The following NECAB1 variants were observed in gnomAD, a reference collection of about 807,000 sequenced individuals.
The protein encoded by NECAB1 is N-terminal EF-hand calcium-binding protein 1.
NECAB1 carries 29 observed loss-of-function variants against 57.5 expected under a neutral mutation model. The observed-to-expected ratio is 0.50, with a 90% CI of 0.38 to 0.69. The LOEUF (loss-of-function observed/expected upper bound fraction) is 0.69. Among genes scored for constraint, NECAB1 ranks in the 30% least tolerant of loss-of-function variants. NECAB1 has a pLI of 0.00. For missense variants in NECAB1, 372 were observed against 413.8 expected, an observed-to-expected ratio of 0.90 and a Z score of 0.88; for synonymous variants, 142 against 147.7, an observed-to-expected ratio of 0.96 and a Z score of 0.28.
intron 9 of NECAB1, among the ~76,000 whole-genome samples, chr8:90,939,142 T>A (rs1353415301): frequency 6.6e-6 from 1 of 152,228 alleles, no homozygotes; most frequent in Admixed American, 6.5e-5. Flanking sequence ...CAGAGTTGAC[T>A]AGCTGCAAAA....
chr8:90,849,140 A>G (rs1036200378), intron 3 of NECAB1, among the ~76,000 whole-genome samples: 1 of 152,136 alleles, frequency 6.6e-6, no homozygotes, highest in African/African-American at 2.4e-5. Flanking sequence ...TCAGACAGGA[A>G]ATTTAGTGCA....
At chr8:90,876,922 A>G (rs891578132) in intron 4 of NECAB1, among the ~76,000 whole-genome samples, 1 of 152,188 alleles carries the variant, frequency 6.6e-6, no homozygotes, top group Non-Finnish European at 1.5e-5. Flanking sequence ...GTTTCAACAA[A>G]ATAGGTCTTT....
At chr8:90,951,905 G>C (rs909921012) in intron 12 of NECAB1, among the ~76,000 whole-genome samples, 4 of 152,138 alleles carry the variant, frequency 2.6e-5, no homozygotes, top group African/African-American at 9.7e-5. Context: ...ATGAGATGTG[G>C]AAAAGTAAAG....
At chr8:90,940,617 T>G in intron 9 of NECAB1, 169 bp from the exon 10 acceptor site, 1 of 560,682 alleles carries the variant, frequency 1.8e-6, no homozygotes, top group Non-Finnish European at 3.2e-6. Context: ...CTTGCCTAGA[T>G]TACAGCCTTT....
intron 2 of NECAB1, among the ~76,000 whole-genome samples, chr8:90,820,029 T>C (rs543790913): frequency 6.6e-6 from 1 of 152,018 alleles, no homozygotes; most frequent in Non-Finnish European, 1.5e-5. Flanking sequence ...AGTTTCTCCC[T>C]CTCATGCTCA....
At chr8:90,875,694 G>T (rs1307563045) in intron 4 of NECAB1, among the ~76,000 whole-genome samples, 1 of 150,766 alleles carries the variant, frequency 6.6e-6, no homozygotes, top group Non-Finnish European at 1.5e-5. Context: ...GTTATATGAA[G>T]TCTATAAATA....
chr8:90,796,776 T>G (rs947399171), intron 1 of NECAB1, among the ~76,000 whole-genome samples: 3 of 152,212 alleles, frequency 2.0e-5, no homozygotes, highest in African/African-American at 4.8e-5. Flanking sequence ...GAGTACATTT[T>G]TTATTAGTCT....
At chr8:90,809,148 C>A (rs571075935) in intron 2 of NECAB1, among the ~76,000 whole-genome samples, 1 of 152,200 alleles carries the variant, frequency 6.6e-6, no homozygotes, top group Non-Finnish European at 1.5e-5. Context: ...TTGAAATTCT[C>A]GTGTGTCTTG....
At chr8:90,840,201 A>G (rs1188766020) in intron 3 of NECAB1, among the ~76,000 whole-genome samples, 1 of 152,230 alleles carries the variant, frequency 6.6e-6, no homozygotes, top group African/African-American at 2.4e-5. Context: ...TTGACTTCAG[A>G]ATTCAAATTT....
chr8:90,882,423 G>C (rs1165602124), intron 5 of NECAB1, among the ~76,000 whole-genome samples: 1 of 146,880 alleles, frequency 6.8e-6, no homozygotes, highest in Non-Finnish European at 1.5e-5. Context: ...AAGAGAGAGA[G>C]AGAAAAAAAA....
chr8:90,919,271 CT>C (rs1417409360), intron 6 of NECAB1, among the ~76,000 whole-genome samples: 2 of 152,082 alleles, frequency 1.3e-5, no homozygotes, highest in African/African-American at 4.8e-5. Flanking sequence ...AGATGTGTTA[CT>C]TTAAACTTAT....
At chr8:90,800,266 T>C (rs1451708197) in intron 1 of NECAB1, among the ~76,000 whole-genome samples, 82 of 152,290 alleles carry the variant, frequency 5.4e-4, no homozygotes, top group Non-Finnish European at 1.0e-4. Flanking sequence ...ACCATTTGGC[T>C]TCTTATTTTG....
chr8:90,947,303 TACACACACACACACACAC>T lies in NECAB1; in HGVS notation c.861-2472_861-2455del, dbSNP rs71771328. Among the ~76,000 whole-genome samples the T allele has an allele frequency of 1.8e-4, 14 of 78,298 alleles. No individual in the cohort carries two copies. The South Asian group carries it at 1.8e-3, about 10-fold the overall frequency. 51.4% of individuals were successfully genotyped at this position (78,298 alleles called of 152,430 possible). A position where few individuals can be genotyped will look rare whatever the true frequency, so the allele number is the denominator to read the frequency against. ...TTTTAGCTATTGGGCTAACAACACA[TACACACACACACACACAC>T]ACACACACACACACACACACACACA... On this transcript the variant is annotated intron_variant, in intron 10 of 12. Transcript: ENST00000417640.
chr8:90,899,774 T>C (rs1367654780), intron 5 of NECAB1, among the ~76,000 whole-genome samples: 1 of 152,202 alleles, frequency 6.6e-6, no homozygotes, highest in African/African-American at 2.4e-5. Context: ...TTCTTTGTCA[T>C]AAGAAACTCA....
At chr8:90,942,818 G>T (rs1420594683) in intron 10 of NECAB1, among the ~76,000 whole-genome samples, 4 of 152,166 alleles carry the variant, frequency 2.6e-5, no homozygotes, top group Non-Finnish European at 4.4e-5. Flanking sequence ...GGAGGCGGAG[G>T]TTGCAGTGAG....
chr8:90,827,715 A>G (rs1812247159), intron 3 of NECAB1, among the ~76,000 whole-genome samples: 1 of 152,006 alleles, frequency 6.6e-6, no homozygotes, highest in African/African-American at 2.4e-5. Flanking sequence ...TCTCATGAAA[A>G]TACTCTTAAA....
chr8:90,925,416 C>T, intron 6 of NECAB1, 119 bp from the exon 7 acceptor site: 1 of 1,120,656 alleles, frequency 8.9e-7, no homozygotes, highest in South Asian at 1.6e-5. Flanking sequence ...CAGTCATTCT[C>T]ATAAGTTTTC....
chr8:90,896,931 T>C (rs1324991848), intron 5 of NECAB1, among the ~76,000 whole-genome samples: 1 of 152,196 alleles, frequency 6.6e-6, no homozygotes. Flanking sequence ...CTGTGAGGTC[T>C]AACCCTAGCC....
chr8:90,932,127 A>C (rs1810425564), intron 8 of NECAB1, among the ~76,000 whole-genome samples: 1 of 152,182 alleles, frequency 6.6e-6, no homozygotes, highest in East Asian at 1.9e-4. Context: ...AGATCAGGAA[A>C]GGTAGAACTG....
Sources: allele counts gnomAD v4.1 joint callset (sites outside exome capture counted in the v4.1 genomes callset), GRCh38; gene constraint gnomAD v4.1.1; transcripts MANE v1.5; gene names NCBI Gene and HGNC (gene_info 2026-07-23, HGNC 2026-07-21).